Variants in FTO observed in about 807,000 individuals in gnomAD.
FTO encodes the protein alpha-ketoglutarate-dependent dioxygenase FTO.
FTO carries 47 observed loss-of-function variants against 63.9 expected under a neutral mutation model. The ratio of observed to expected loss-of-function variants is 0.74; its 90% CI spans 0.58 to 0.94. The LOEUF (loss-of-function observed/expected upper bound fraction) is 0.94, where lower values mean the gene tolerates loss of function less well. Among genes scored for constraint, FTO ranks in the 40% least tolerant of loss-of-function variants. The pLI is 0.00. For synonymous variants in FTO, 207 were observed against 224.4 expected, an observed-to-expected ratio of 0.92 and a Z score of 0.69; for missense variants, 562 against 618.1, an observed-to-expected ratio of 0.91 and a Z score of 0.96.
intron 8 of FTO, among the ~76,000 whole-genome samples, chr16:53,996,767 C>T (rs1369252388): frequency 1.3e-5 from 2 of 151,974 alleles, no homozygotes; most frequent in Non-Finnish European, 2.9e-5. Context: ...CACATGGTGG[C>T]AGCAAGGAGA....
Position 53,973,939 on chromosome 16 carries a change from G to A in FTO, c.1364+39830G>A, listed in dbSNP as rs537627760. Among the ~76,000 whole-genome samples, 373 of 152,248 alleles carry A rather than the reference G, an allele frequency of 2.4e-3. 3 individuals are homozygous for A. Among genetic ancestry groups the A allele is most frequent in the African/African-American group, 8.0e-3 (334 of 41,552 alleles). ...AGCATATACCTCATTTAAAAGGGGC[G>A]AATGATAAGCTCTAGCCAATGGCTT... On this transcript the variant is annotated intron_variant, in intron 8 of 8. Coordinates refer to ENST00000471389, the MANE Select transcript of FTO (RefSeq NM_001080432.3).
At chr16:53,928,327 G>A (rs1306398191) in intron 7 of FTO, among the ~76,000 whole-genome samples, 1 of 152,106 alleles carries the variant, frequency 6.6e-6, no homozygotes, top group Non-Finnish European at 1.5e-5. Context: ...TGGGAGGAGG[G>A]GAGGGAGAAT....
At position 53,873,606 on chromosome 16, in the gene FTO, A is replaced by G. The variant is rs965117384; in HGVS notation, c.896-180A>G. Among the ~76,000 whole-genome samples, 4 of 151,480 alleles carry G rather than the reference A, an allele frequency of 2.6e-5. 1 individual carries two copies. In the South Asian group the frequency reaches 8.3e-4, roughly 31 times the overall value. On this transcript the variant is annotated intron_variant, in intron 4 of 8. Coordinates refer to ENST00000471389, the MANE Select transcript of FTO (RefSeq NM_001080432.3). ...GATACGCATATAATGGAATATATAT[A>G]TATGTAGTCACCTACTTATAAGGGA... is the stretch of plus-strand genomic sequence containing the variant.
In FTO at chr16:54,120,399, A is replaced by T. The variant is rs1268223864; in HGVS notation, c.*8484A>T. ...AATGTCAGACTCTGCTAGCAACACA[A>T]GGTCCCTGTCCTCAAAATCCTATTC... On this transcript the variant is annotated 3_prime_UTR_variant, in exon 9 of 9. Transcript: ENST00000471389. 1 of 152,254 alleles carries T rather than the reference A, an allele frequency of 6.6e-6. No homozygotes were observed. Among genetic ancestry groups the T allele is most frequent in the Admixed American group, 6.5e-5 (1 of 15,292 alleles). The allele number at this position is 152,254 out of a possible 1,614,324, so 9.4% of individuals were successfully genotyped here. A position where few individuals can be genotyped will look rare whatever the true frequency, so the allele number is the denominator to read the frequency against.
chr16:54,015,449 T>G (rs1243584906), intron 8 of FTO, among the ~76,000 whole-genome samples: 1 of 152,138 alleles, frequency 6.6e-6, no homozygotes, highest in Non-Finnish European at 1.5e-5. Context: ...GCAATCAGTT[T>G]TCAAAAGTGA....
intron 3 of FTO, among the ~76,000 whole-genome samples, chr16:53,829,790 A>ATCACG (rs1322225328): frequency 1.3e-5 from 2 of 152,148 alleles, no homozygotes; most frequent in African/African-American, 4.8e-5. Flanking sequence ...ATAATTATGA[A>ATCACG]ATGATGAAAC....
intron 1 of FTO, among the ~76,000 whole-genome samples, chr16:53,734,626 A>G (rs2076347952): frequency 6.6e-6 from 1 of 152,274 alleles, no homozygotes; most frequent in South Asian, 2.1e-4. Context: ...CTTTTCCCAC[A>G]TCATAAGCTG....
chr16:53,823,798 A>G (rs1302598834), intron 2 of FTO, among the ~76,000 whole-genome samples: 1 of 152,152 alleles, frequency 6.6e-6, no homozygotes, highest in Non-Finnish European at 1.5e-5. Context: ...AGGCAGGAGA[A>G]TCACTTGAAC....
intron 1 of FTO, among the ~76,000 whole-genome samples, chr16:53,709,307 G>T (rs964922810): frequency 6.6e-6 from 1 of 152,240 alleles, no homozygotes; most frequent in South Asian, 2.1e-4. Flanking sequence ...AATACTATAC[G>T]GTATTCATGC....
chr16:53,819,661 T>C (rs2078797243), intron 2 of FTO, among the ~76,000 whole-genome samples: 1 of 152,230 alleles, frequency 6.6e-6, no homozygotes, highest in Admixed American at 6.5e-5. Context: ...ATTTAAATTT[T>C]CAGATATTCA....
chr16:53,741,217 C>T (rs185171601), intron 1 of FTO, among the ~76,000 whole-genome samples: 65 of 152,264 alleles, frequency 4.3e-4, no homozygotes, highest in African/African-American at 1.2e-3. Flanking sequence ...CAAAGCCTGA[C>T]GTGTTCATTA....
chr16:53,811,055 A>G (rs1458544648), intron 2 of FTO, among the ~76,000 whole-genome samples: 2 of 152,158 alleles, frequency 1.3e-5, no homozygotes, highest in Non-Finnish European at 2.9e-5. Context: ...TGAACTAGTC[A>G]TCATGTTCAG....
intron 7 of FTO, among the ~76,000 whole-genome samples, chr16:53,908,806 T>G (rs555145173): frequency 1.3e-5 from 2 of 152,292 alleles, no homozygotes; most frequent in East Asian, 3.9e-4. Context: ...TACAAGAATC[T>G]TCATGCTGAC....
At chr16:54,034,103 T>C (rs1446899402) in intron 8 of FTO, 2 of 152,130 alleles carry the variant, frequency 1.3e-5, no homozygotes, top group Admixed American at 6.5e-5. Context: ...TTAAAAGCCA[T>C]TGAAACAACT....
chr16:53,796,597 A>G (rs1255559655), intron 1 of FTO, among the ~76,000 whole-genome samples: 1 of 152,238 alleles, frequency 6.6e-6, no homozygotes, highest in East Asian at 1.9e-4. Context: ...TTGAGAACTT[A>G]GATGAAGTTG....
chr16:53,877,476 G>A (rs1263742549), intron 5 of FTO, among the ~76,000 whole-genome samples: 3 of 152,218 alleles, frequency 2.0e-5, no homozygotes, highest in Non-Finnish European at 4.4e-5. Flanking sequence ...TATATGAAGT[G>A]TCTAGAATAG....
At chr16:54,033,557 C>T (rs1222795129) in intron 8 of FTO, among the ~76,000 whole-genome samples, 1 of 152,140 alleles carries the variant, frequency 6.6e-6, no homozygotes, top group Non-Finnish European at 1.5e-5. Flanking sequence ...GTGGTTCATG[C>T]CTGTAATCTC....
rs563854181 is a variant in FTO at position 53,792,762 on chromosome 16, A to C, written c.46-17378A>C. Among the ~76,000 whole-genome samples, 195 of 152,302 alleles carry C rather than the reference A, an allele frequency of 1.3e-3. 4 individuals are homozygous for C. The highest frequency in any genetic ancestry group is 1.0e-4 in the Non-Finnish European group (7 of 68,038). On this transcript the variant is annotated intron_variant, in intron 1 of 8. Transcript: ENST00000471389. ...TGGAAAGTATGCTGCAATATGATTG[A>C]GAGAATTTGGCTTTTTCATCTGAAC...
intron 8 of FTO, among the ~76,000 whole-genome samples, chr16:54,107,179 A>G (rs1042422503): frequency 2.0e-5 from 3 of 151,820 alleles, no homozygotes; most frequent in Admixed American, 1.3e-4. Flanking sequence ...CTCTCCTTGA[A>G]CTGCTTCATG....
Sources: allele counts gnomAD v4.1 joint callset (sites outside exome capture counted in the v4.1 genomes callset), GRCh38; gene constraint gnomAD v4.1.1; transcripts MANE v1.5; gene names NCBI Gene and HGNC (gene_info 2026-07-23, HGNC 2026-07-21).